The following MAPKAP1 variants were observed in gnomAD, a reference collection of about 807,000 sequenced individuals.
MAPKAP1 encodes target of rapamycin complex 2 subunit MAPKAP1.
Under a neutral mutation model 65.7 loss-of-function variants are expected in MAPKAP1, and 20 were observed. That is an observed-to-expected ratio of 0.30 (90% CI 0.21 to 0.44). The LOEUF (loss-of-function observed/expected upper bound fraction) is 0.44, where lower values mean the gene tolerates loss of function less well. Ranked by LOEUF, MAPKAP1 falls within the 20% of genes least tolerant of loss-of-function variation. MAPKAP1 has a pLI of 1.00. For synonymous variants in MAPKAP1, 222 were observed against 244.3 expected (o/e 0.91, Z 0.85); for missense variants, 423 against 648.0 (o/e 0.65, Z 3.77).
intron 10 of MAPKAP1, among the ~76,000 whole-genome samples, chr9:125,461,776 CAT>C (rs1853506170): frequency 6.6e-6 from 1 of 152,198 alleles, no homozygotes; most frequent in Admixed American, 6.5e-5. Context: ...AAAAACACAA[CAT>C]AACGTGTCCA....
At chr9:125,556,141 A>G (rs748049274) in intron 6 of MAPKAP1, among the ~76,000 whole-genome samples, 6 of 152,156 alleles carry the variant, frequency 3.9e-5, no homozygotes, top group Non-Finnish European at 5.9e-5. Flanking sequence ...AGATCTATTA[A>G]CTCATTTAAT....
chr9:125,603,444 A>C (rs1832362626), intron 4 of MAPKAP1, among the ~76,000 whole-genome samples: 1 of 152,190 alleles, frequency 6.6e-6, no homozygotes, highest in South Asian at 2.1e-4. Context: ...ATCGAGCTCC[A>C]ACACAAGCAA....
At chr9:125,605,055 A>C (rs750675121) in intron 4 of MAPKAP1, among the ~76,000 whole-genome samples, 9 of 152,242 alleles carry the variant, frequency 5.9e-5, no homozygotes, top group Admixed American at 4.6e-4. Flanking sequence ...ATTTACAAAC[A>C]GAAAATAACC....
Position 125,438,794 on chromosome 9 carries a change from C to T in MAPKAP1, c.*93G>A, listed in dbSNP as rs1026218748. The T allele has an allele frequency of 2.5e-5, 39 of 1,546,760 alleles. No individual in the cohort carries two copies. The highest frequency in any genetic ancestry group is 3.3e-5 in the Non-Finnish European group (38 of 1,136,228). ...CAGTGAGCCAGGGGCTGGCCTCCCCCCGAGGACTTCAGGACACCGGGTGGA... is the reference window on the plus strand; with the variant it reads ...CAGTGAGCCAGGGGCTGGCCTCCCCTCGAGGACTTCAGGACACCGGGTGGA... On this transcript the variant is annotated 3_prime_UTR_variant, in exon 12 of 12. Transcript: ENST00000265960.
chr9:125,466,704 G>A (rs1273302521), intron 10 of MAPKAP1, among the ~76,000 whole-genome samples: 3 of 152,124 alleles, frequency 2.0e-5, no homozygotes. Flanking sequence ...TTGCAGGGTC[G>A]GAGGCCTCGC....
rs1835785221 is a variant in MAPKAP1, at chr9:125,707,034, G to A, written c.-133C>T. On this transcript the variant is annotated 5_prime_UTR_variant, in exon 1 of 12. Coordinates refer to ENST00000265960, the MANE Select transcript of MAPKAP1 (RefSeq NM_001006617.3). ...GGACACGTTCCTGAGGGGAGGGCCC[G>A]GCTCCCCCACGCCTCCCGGCCCCTG... 2.8e-5 allele frequency: 11 copies of A among 397,542 alleles called. No homozygotes were observed. Among genetic ancestry groups the A allele is most frequent in the Admixed American group, 2.2e-4 (5 of 22,684 alleles). The allele number at this position is 397,542 out of a possible 1,614,324, so 24.6% of individuals were successfully genotyped here.
intron 4 of MAPKAP1, among the ~76,000 whole-genome samples, chr9:125,612,372 G>T (rs966054993): frequency 6.6e-6 from 1 of 151,980 alleles, no homozygotes; most frequent in African/African-American, 2.4e-5. Flanking sequence ...TCAAATAACT[G>T]GTAGTGTCAC....
intron 4 of MAPKAP1, among the ~76,000 whole-genome samples, chr9:125,609,514 GTTGT>G (rs1194964870): frequency 1.3e-5 from 2 of 152,102 alleles, no homozygotes; most frequent in African/African-American, 4.8e-5. Flanking sequence ...GAAAGAGTAT[GTTGT>G]TTATTTGTCT....
At chr9:125,459,402 C>G (rs1290316318) in intron 10 of MAPKAP1, among the ~76,000 whole-genome samples, 9 of 151,938 alleles carry the variant, frequency 5.9e-5, no homozygotes, top group Non-Finnish European at 8.8e-5. Context: ...TCCTCACTTC[C>G]CAGACGGGGT....
intron 4 of MAPKAP1, among the ~76,000 whole-genome samples, chr9:125,593,555 G>C (rs1032927106): frequency 6.6e-6 from 1 of 151,976 alleles, no homozygotes; most frequent in Non-Finnish European, 1.5e-5. Context: ...CCAGCTACTT[G>C]AGAGGCTCAG....
At chr9:125,689,175 C>T (rs750719972) in intron 1 of MAPKAP1, among the ~76,000 whole-genome samples, 2 of 151,952 alleles carry the variant, frequency 1.3e-5, no homozygotes, top group South Asian at 2.1e-4. Context: ...CGGTGGCTCA[C>T]GCCTGTAATC....
chr9:125,689,886 T>G (rs1399895523), intron 1 of MAPKAP1, among the ~76,000 whole-genome samples: 2 of 149,620 alleles, frequency 1.3e-5, no homozygotes, highest in African/African-American at 4.9e-5. Flanking sequence ...CAAGAGTTCA[T>G]GACCAGCCTG....
chr9:125,493,876 T>C (rs1007339750), intron 8 of MAPKAP1, among the ~76,000 whole-genome samples: 2 of 152,154 alleles, frequency 1.3e-5, no homozygotes, highest in African/African-American at 2.4e-5. Flanking sequence ...ATACAAACAG[T>C]ACAAGCTGGA....
intron 6 of MAPKAP1, 53 bp downstream of exon 6, chr9:125,559,580 A>G: frequency 1.3e-6 from 2 of 1,528,136 alleles, no homozygotes; most frequent in South Asian, 2.4e-5. Flanking sequence ...CAGATCCAAA[A>G]TGCTAGAAGG....
At chr9:125,507,723 T>C (rs1829184215) in intron 7 of MAPKAP1, among the ~76,000 whole-genome samples, 2 of 152,214 alleles carry the variant, frequency 1.3e-5, no homozygotes, top group Non-Finnish European at 2.9e-5. Context: ...CCTTTGTAAG[T>C]AAACAAATGC....
intron 5 of MAPKAP1, chr9:125,573,014 A>G (rs1831283282): frequency 6.6e-6 from 1 of 150,672 alleles, no homozygotes; most frequent in Non-Finnish European, 1.5e-5. Flanking sequence ...GGAATATCAT[A>G]ATCGCTATTC....
intron 4 of MAPKAP1, among the ~76,000 whole-genome samples, chr9:125,589,421 C>A (rs191390339): frequency 6.6e-6 from 1 of 152,240 alleles, no homozygotes; most frequent in East Asian, 1.9e-4. Flanking sequence ...ACACAGAAGA[C>A]CCTGAGGAAA....
intron 8 of MAPKAP1, among the ~76,000 whole-genome samples, chr9:125,485,929 T>G (rs181834230): frequency 6.6e-6 from 1 of 152,330 alleles, no homozygotes; most frequent in African/African-American, 2.4e-5. Flanking sequence ...GCAGTGACTA[T>G]TTTTCTTCTA....
chr9:125,615,889 G>T (rs546181696), intron 4 of MAPKAP1, among the ~76,000 whole-genome samples: 2 of 151,284 alleles, frequency 1.3e-5, no homozygotes, highest in Non-Finnish European at 2.9e-5. Context: ...ACTCCAGCCT[G>T]GGCAACAGAG....
Sources: allele counts gnomAD v4.1 joint callset (sites outside exome capture counted in the v4.1 genomes callset), GRCh38; gene constraint gnomAD v4.1.1; transcripts MANE v1.5; gene names NCBI Gene and HGNC (gene_info 2026-07-23, HGNC 2026-07-21).